Variants in AFAP1 observed in about 807,000 individuals in gnomAD.
The protein encoded by AFAP1 is actin filament associated protein 1.
AFAP1 carries 75 observed loss-of-function variants against 93.9 expected under a neutral mutation model. The ratio of observed to expected loss-of-function variants is 0.80; its 90% CI spans 0.66 to 0.97. The LOEUF is 0.97. AFAP1 is among the 50% of genes least tolerant of loss of function. The pLI is 0.00. For missense variants in AFAP1, 1,201 were observed against 1,050.8 expected (o/e 1.14, Z -1.98); for synonymous variants, 517 against 430.7 (o/e 1.20, Z -2.48).
At chr4:7,850,889 C>T (rs1459362368) in intron 4 of AFAP1, among the ~76,000 whole-genome samples, 2 of 152,232 alleles carry the variant, frequency 1.3e-5, no homozygotes, top group Non-Finnish European at 2.9e-5. Flanking sequence ...TGACCTCCTG[C>T]GCTTCACGGC....
At chr4:7,889,564 A>G (rs994120017) in intron 1 of AFAP1, among the ~76,000 whole-genome samples, 9 of 151,338 alleles carry the variant, frequency 5.9e-5, no homozygotes, top group African/African-American at 1.7e-4. Flanking sequence ...AAAAAGAAAA[A>G]AAAAAAGGCA....
chr4:7,873,194 G>A (rs1717203852), intron 1 of AFAP1, among the ~76,000 whole-genome samples: 1 of 124,668 alleles, frequency 8.0e-6, no homozygotes, highest in Non-Finnish European at 1.6e-5. Flanking sequence ...AGTGAGCCAA[G>A]ATTGCACCAC....
At chr4:7,799,152 G>C in intron 10 of AFAP1, 1 of 924,206 alleles carries the variant, frequency 1.1e-6, no homozygotes, top group Non-Finnish European at 1.3e-6. Context: ...CCGTGGTCAG[G>C]GTCTGCACAG....
At chr4:7,884,463 T>C (rs1718030276) in intron 1 of AFAP1, among the ~76,000 whole-genome samples, 1 of 152,114 alleles carries the variant, frequency 6.6e-6, no homozygotes, top group African/African-American at 2.4e-5. Context: ...CTGCCAACTA[T>C]TTAAAAATAA....
At chr4:7,776,214 G>T (rs1275996375) in intron 14 of AFAP1, 1 of 152,106 alleles carries the variant, frequency 6.6e-6, no homozygotes, top group Admixed American at 6.5e-5. Context: ...ACTACTTCAG[G>T]TAGAAGCCAC....
chr4:7,915,304 G>C (rs1577356276), intron 1 of AFAP1, among the ~76,000 whole-genome samples: 1 of 64,552 alleles, frequency 1.5e-5, no homozygotes, highest in Non-Finnish European at 2.5e-5. Context: ...CTCTGATTAT[G>C]ATACTGAGCA....
intron 1 of AFAP1, among the ~76,000 whole-genome samples, chr4:7,874,220 C>T (rs113949838): frequency 1.3e-3 from 203 of 152,288 alleles, no homozygotes; most frequent in African/African-American, 4.5e-3. Flanking sequence ...TCAGATGCCA[C>T]ATCACAACTA....
intron 6 of AFAP1, among the ~76,000 whole-genome samples, chr4:7,833,042 TA>T (rs2149096314): frequency 6.6e-6 from 1 of 152,288 alleles, no homozygotes; most frequent in South Asian, 2.1e-4. Context: ...CCTGAAACTA[TA>T]AAAATTCTAG....
chr4:7,834,589 G>A (rs1712053103), intron 6 of AFAP1, among the ~76,000 whole-genome samples: 1 of 152,272 alleles, frequency 6.6e-6, no homozygotes, highest in Non-Finnish European at 1.5e-5. Flanking sequence ...CAGCTACTAT[G>A]ATAGTAAGCA....
At chr4:7,937,310 C>T (rs4696686) in intron 1 of AFAP1, among the ~76,000 whole-genome samples, 41,427 of 151,886 alleles carry the variant, frequency 0.27, 6,794 homozygotes, top group East Asian at 0.74. Flanking sequence ...CCGTTATTTA[C>T]ACCATTGCTG....
At chr4:7,805,936 G>A (rs912155266) in intron 9 of AFAP1, among the ~76,000 whole-genome samples, 2 of 152,184 alleles carry the variant, frequency 1.3e-5, no homozygotes, top group African/African-American at 4.8e-5. Context: ...GGGGGAAGCA[G>A]AGTAGAATGA....
intron 17 of AFAP1, 129 bp downstream of exon 17, chr4:7,768,715 T>A: frequency 8.6e-7 from 1 of 1,165,950 alleles, no homozygotes; most frequent in South Asian, 2.3e-5. Flanking sequence ...TTCCCAGATG[T>A]CTACTGAAGG....
intron 1 of AFAP1, among the ~76,000 whole-genome samples, chr4:7,919,970 TGA>T (rs1457932805): frequency 2.0e-5 from 3 of 152,326 alleles, no homozygotes; most frequent in South Asian, 2.1e-4. Context: ...GCAAAGGACA[TGA>T]TCTTGTTCCT....
chr4:7,773,243 G>A (rs766660377), intron 15 of AFAP1: 5 of 581,912 alleles, frequency 8.6e-6, no homozygotes, highest in Admixed American at 3.6e-5. Context: ...AAGAGGAGAT[G>A]CTGATTCTGA....
At chr4:7,892,829 G>A (rs969649284) in intron 1 of AFAP1, among the ~76,000 whole-genome samples, 13 of 152,252 alleles carry the variant, frequency 8.5e-5, no homozygotes, top group East Asian at 1.9e-4. Context: ...TGAGTCAAAC[G>A]TGGGATGTGG....
chr4:7,871,934 C>G lies in AFAP1; in HGVS notation c.127+18G>C. The G allele has an allele frequency of 6.2e-7, 1 of 1,612,730 alleles. No homozygotes were observed. The highest frequency in any genetic ancestry group is 2.2e-5 in the East Asian group (1 of 44,852). On this transcript the variant is annotated intron_variant, in intron 2 of 17. Transcript: ENST00000420658. ...AGACACTGTAAGAAGGAAAAGCAGG[C>G]GTCAGAATGAGACTCACCTTTGGAT...
At chr4:7,866,497 C>G (rs1002372685) in intron 3 of AFAP1, among the ~76,000 whole-genome samples, 2 of 152,234 alleles carry the variant, frequency 1.3e-5, no homozygotes, top group African/African-American at 4.8e-5. Flanking sequence ...CACCTGGCCC[C>G]AGCTGCTTCT....
chr4:7,916,354 G>A (rs1014206077), intron 1 of AFAP1, among the ~76,000 whole-genome samples: 5 of 152,136 alleles, frequency 3.3e-5, no homozygotes, highest in Non-Finnish European at 7.3e-5. Flanking sequence ...ATATCCCAAA[G>A]GCAGGGACCT....
intron 1 of AFAP1, among the ~76,000 whole-genome samples, chr4:7,872,742 G>T (rs994354199): frequency 2.0e-5 from 3 of 151,926 alleles, no homozygotes; most frequent in Non-Finnish European, 4.4e-5. Flanking sequence ...CTCCTTTCAG[G>T]GAGCCCACAA....
Sources: allele counts gnomAD v4.1 joint callset (sites outside exome capture counted in the v4.1 genomes callset), GRCh38; gene constraint gnomAD v4.1.1; transcripts MANE v1.5; gene names NCBI Gene and HGNC (gene_info 2026-07-23, HGNC 2026-07-21).